The following KRT6B variants were observed in gnomAD, a reference collection of about 807,000 sequenced individuals.
KRT6B encodes keratin, type II cytoskeletal 6B.
In KRT6B, 29 loss-of-function variants were observed where a neutral mutation model predicts 44.7. That is an observed-to-expected ratio of 0.65 (90% CI 0.48 to 0.88). The LOEUF (loss-of-function observed/expected upper bound fraction) is 0.88, where lower values mean the gene tolerates loss of function less well. KRT6B is among the 40% of genes least tolerant of loss of function. KRT6B has a pLI of 0.00. For missense variants in KRT6B, 600 were observed against 724.0 expected (o/e 0.83, Z 1.97); for synonymous variants, 213 against 296.0 (o/e 0.72, Z 2.88).
chr12:52,448,710 T>G (rs1940350247), intron 6 of KRT6B, 132 bp downstream of exon 6: 1 of 1,460,182 alleles, frequency 6.8e-7, no homozygotes, highest in Admixed American at 1.9e-5. Context: ...TCACTGAGCC[T>G]AGGAACTGCA....
chr12:52,449,814 C>G lies in KRT6B; in HGVS notation c.856G>C (p.Ala286Pro). The change falls in exon 4 of 9, where the codon GCC becomes CCC. Residue 286 changes from alanine (A) to proline (P), a missense_variant. Ala to Pro is a conservative substitution (Grantham distance 27). Coordinates refer to ENST00000252252, the MANE Select transcript of KRT6B (RefSeq NM_005555.4). ...TCATCTGTAAGAGTGTCTGCCTTGGCTTGCAGTTCAACCTTGTTCATGTAG... is the reference window on the plus strand; with the variant it reads ...TCATCTGTAAGAGTGTCTGCCTTGGGTTGCAGTTCAACCTTGTTCATGTAG... ...AAYMNKVELQ[A>P]KADTLTDEIN... 6.2e-7 allele frequency: 1 copy of G among 1,613,992 alleles called. No homozygotes were observed. Among genetic ancestry groups the G allele is most frequent in the Non-Finnish European group, 8.5e-7 (1 of 1,179,892 alleles).
chr12:52,448,642 G>T (rs1262556950), intron 6 of KRT6B, among the ~76,000 whole-genome samples, 200 bp downstream of exon 6: 1 of 152,078 alleles, frequency 6.6e-6, no homozygotes, highest in African/African-American at 2.4e-5. Flanking sequence ...GAGTGCTTCT[G>T]CCCAGGTGAT....
At position 52,447,427 on chromosome 12, in the gene KRT6B, T is replaced by C. The variant is rs771525357; in HGVS notation, c.1460-2A>G. On this transcript the variant is annotated splice_acceptor_variant, in intron 8 of 8. Coordinates refer to ENST00000252252, the MANE Select transcript of KRT6B (RefSeq NM_005555.4). LOFTEE classifies it high-confidence loss of function. Reference sequence around the variant, plus strand: ...TGGAGACGGTGGACTGCACTACAGCTGTGGTGGGGAGGGGACAAGGACACA... The same window carrying C: ...TGGAGACGGTGGACTGCACTACAGCCGTGGTGGGGAGGGGACAAGGACACA... 1 of 1,613,920 alleles carries C rather than the reference T, an allele frequency of 6.2e-7. No homozygotes were observed. The highest frequency in any genetic ancestry group is 1.1e-5 in the South Asian group (1 of 91,058).
At chr12:52,451,407 C>A (rs1005114603) in intron 1 of KRT6B, 132 bp downstream of exon 1, 157 of 1,536,270 alleles carry the variant, frequency 1.0e-4, no homozygotes, top group Non-Finnish European at 1.4e-4. Context: ...GCACCGAGAG[C>A]CACCTGCACT....
intron 5 of KRT6B, 80 bp from the exon 6 acceptor site, chr12:52,449,047 A>T: frequency 2.0e-6 from 3 of 1,523,562 alleles, no homozygotes; most frequent in Non-Finnish European, 2.7e-6. Context: ...TGTATCATGA[A>T]TGTCATGAAG....
intron 7 of KRT6B, 54 bp downstream of exon 7, chr12:52,447,724 C>G (rs553044027): frequency 6.2e-7 from 1 of 1,614,024 alleles, no homozygotes; most frequent in African/African-American, 1.3e-5. Context: ...GTGCTCAGTG[C>G]CAGAACCTTG....
chr12:52,448,718 G>T, intron 6 of KRT6B, 124 bp downstream of exon 6: 1 of 1,503,398 alleles, frequency 6.7e-7, no homozygotes, highest in Non-Finnish European at 9.1e-7. Flanking sequence ...CCTAGGAACT[G>T]CATGTCTTTC....
chr12:52,447,742 A>T lies in KRT6B; in HGVS notation c.1424+36T>A. The T allele has an allele frequency of 1.9e-6, 3 of 1,614,050 alleles. No homozygotes were observed. The South Asian group carries it at 3.3e-5, about 18-fold the overall frequency. On this transcript the variant is annotated intron_variant, in intron 7 of 8. Coordinates refer to ENST00000252252, the MANE Select transcript of KRT6B (RefSeq NM_005555.4). The stretch of plus-strand genomic sequence containing the variant: ...CTCAGTGCCAGAACCTTGAAGATGG[A>T]CTCAGCTGTTGGAGGAAGTCGCGTC...
intron 6 of KRT6B, among the ~76,000 whole-genome samples, chr12:52,448,275 G>A (rs866966029): frequency 6.6e-6 from 1 of 152,208 alleles, no homozygotes; most frequent in African/African-American, 2.4e-5. Flanking sequence ...AGGACATTAA[G>A]TGTTGGCTCC....
In KRT6B at chr12:52,449,995, T is replaced by A; in HGVS notation, c.816+17A>T. The A allele has an allele frequency of 4.0e-6, 6 of 1,483,560 alleles. No individual in the cohort carries two copies. The highest frequency in any genetic ancestry group is 5.5e-6 in the Non-Finnish European group (6 of 1,090,588). The allele number at this position is 1,483,560 out of a possible 1,614,324, so 91.9% of individuals were successfully genotyped here. On this transcript the variant is annotated intron_variant, in intron 3 of 8. Transcript: ENST00000252252. The stretch of plus-strand genomic sequence containing the variant: ...CTCCTTCTAAATGAATTTGAACCCC[T>A]GGCTTCATCTGCTCACCTTCTTCAG...
chr12:52,449,739 G>A lies in KRT6B; in HGVS notation c.912+19C>T, dbSNP rs1940367947. 6.2e-7 allele frequency: 1 copy of A among 1,614,104 alleles called. No individual in the cohort carries two copies. Among genetic ancestry groups the A allele is most frequent in the Non-Finnish European group, 8.5e-7 (1 of 1,179,978 alleles). ...GCAGACCCCATCAGAGTAAACAGAA[G>A]GATGGTGGAGTTGCTTACTGCATCA... On this transcript the variant is annotated intron_variant, in intron 4 of 8. Coordinates refer to ENST00000252252, the MANE Select transcript of KRT6B (RefSeq NM_005555.4).
intron 6 of KRT6B, among the ~76,000 whole-genome samples, chr12:52,448,508 ACTGATGCTTTCTGAC>A (rs1193913964): frequency 6.6e-6 from 1 of 152,126 alleles, no homozygotes; most frequent in African/African-American, 2.4e-5. Context: ...CAGCAATGTT[ACTGATGCTTTCTGAC>A]CTGACATCTT....
intron 6 of KRT6B, among the ~76,000 whole-genome samples, chr12:52,448,477 C>T (rs1334098662): frequency 7.9e-5 from 12 of 152,290 alleles, no homozygotes; most frequent in Non-Finnish European, 1.3e-4. Flanking sequence ...GCTTTTTCAC[C>T]GTGAACCTTG....
At chr12:52,450,857 T>C (rs1295495856) in intron 1 of KRT6B, among the ~76,000 whole-genome samples, 2 of 152,270 alleles carry the variant, frequency 1.3e-5, no homozygotes, top group Non-Finnish European at 2.9e-5. Context: ...CTATTGATCA[T>C]CAGTGAGTTT....
rs1439509644 is a variant in KRT6B at position 52,451,934 on chromosome 12, C to T, written c.145G>A (p.Gly49Ser). Residue 49 changes from glycine to serine, a missense_variant, in exon 1 of 9, where the codon GGC becomes AGC. By Grantham distance (56) the Gly-to-Ser change is moderately conservative. This residue lies in a region of KRT6B where 78 missense variants were observed against 97.5 expected (regional missense o/e 0.80). Coordinates refer to ENST00000252252, the MANE Select transcript of KRT6B (RefSeq NM_005555.4). ...CCAAAGCCAGCTCCTCCACATGCGC[C>T]ACCCAGGCCACCACTGCCCCTGGAG... is the stretch of plus-strand genomic sequence containing the variant. ...SRSRGSGGLG[G>S]ACGGAGFGSR... is the part of the protein sequence containing the mutation. The T allele has an allele frequency of 1.9e-6, 3 of 1,613,222 alleles. No homozygotes were observed. The highest frequency in any genetic ancestry group is 1.7e-6 in the Non-Finnish European group (2 of 1,179,988).
rs770190928 is a variant in KRT6B, at chr12:52,447,279, C to T, written c.1606G>A (p.Gly536Arg). The T allele has an allele frequency of 6.2e-7, 1 of 1,614,026 alleles. No homozygotes were observed. The highest frequency in any genetic ancestry group is 8.5e-7 in the Non-Finnish European group (1 of 1,179,870). ...CCTCCAACAGAGCTGAGGCCACCCC[C>T]AGTGGCTCTGCCGCTGCTGGAACTA... is the stretch of plus-strand genomic sequence containing the variant. Reference protein sequence around the residue: ...GFSSSSGRATGGGLSSVGGGS... With the variant: ...GFSSSSGRATRGGLSSVGGGS... The change falls in exon 9 of 9, where the codon GGG becomes AGG. Residue 536 changes from glycine to arginine, a missense_variant. Gly to Arg is a moderately radical substitution (Grantham distance 125, BLOSUM62 -2). Transcript: ENST00000252252.
chr12:52,450,514 T>A lies in KRT6B; in HGVS notation c.647A>T (p.Gln216Leu). Reference protein sequence around the residue: ...VRQNLEPLFEQYINNLRRQLD... With the variant: ...VRQNLEPLFELYINNLRRQLD... ...CTGCCTCCTGAGGTTGTTGATGTAC[T>A]GCTCGAACAACGGCTCCAGGTTCTG... The change falls in exon 2 of 9, where the codon CAG becomes CTG. Residue 216 changes from glutamine (Q) to leucine (L), a missense_variant. Physicochemically the swap from Gln to Leu is moderately radical, Grantham distance 113 (BLOSUM62 -2). Coordinates refer to ENST00000252252, the MANE Select transcript of KRT6B (RefSeq NM_005555.4). 6.2e-7 allele frequency: 1 copy of A among 1,614,262 alleles called. No homozygotes were observed. Among genetic ancestry groups the A allele is most frequent in the Non-Finnish European group, 8.5e-7 (1 of 1,180,054 alleles).
rs374135700 is a variant in KRT6B, at chr12:52,450,072, T to A, written c.756A>T (p.Lys252Asn). ...TGCGCTTGTTGATTTCATCCTCATA[T>A]CTACAGGAAGAAAGGCATGGGACAC... The part of the protein sequence containing the change: ...MQDLVEDLKN[K>N]YEDEINKRTA... Residue 252 changes from lysine (K) to asparagine (N), a missense_variant and splice_region_variant, in exon 3 of 9, where the codon AAA (lysine) becomes AAT (asparagine). Lys to Asn is a moderately conservative substitution (Grantham distance 94). Coordinates refer to ENST00000252252, the MANE Select transcript of KRT6B (RefSeq NM_005555.4). The A allele has an allele frequency of 3.1e-6, 5 of 1,613,876 alleles. No individual in the cohort carries two copies. In the African/African-American group the frequency reaches 5.3e-5, roughly 17 times the overall value.
rs559974200 is a variant in KRT6B, at chr12:52,446,855, A to G, written c.*335T>C. On this transcript the variant is annotated 3_prime_UTR_variant, in exon 9 of 9. Transcript: ENST00000252252. ...AGGATGGTTAGCAATTAAAGAGAGG[A>G]CTCCTCATCTGCAGCTGGACCTAGA... The G allele has an allele frequency of 1.1e-4, 44 of 384,634 alleles. No homozygotes were observed. The highest frequency in any genetic ancestry group is 1.1e-3 in the South Asian group (36 of 31,696). The allele number at this position is 384,634 out of a possible 1,614,324, so 23.8% of individuals were successfully genotyped here.
Sources: gnomAD v4.1 joint callset for allele counts (sites outside exome capture counted in the v4.1 genomes callset) on GRCh38, gnomAD v4.1.1 for gene constraint, gnomAD v4.1.1 regional missense constraint, MANE v1.5 for transcripts, NCBI Gene and HGNC (gene_info 2026-07-23, HGNC 2026-07-21) for gene names.